Variants in MAP1LC3A observed in about 807,000 individuals in gnomAD.
MAP1LC3A encodes microtubule-associated protein 1 light chain 3 alpha.
Under a neutral mutation model 15.2 loss-of-function variants are expected in MAP1LC3A, and 10 were observed. The ratio of observed to expected loss-of-function variants is 0.66; its 90% CI spans 0.41 to 1.12. The LOEUF is 1.12. Among genes scored for constraint, MAP1LC3A ranks in the 50% most tolerant of loss-of-function variants. The pLI is 0.00. For synonymous variants in MAP1LC3A, 63 were observed against 64.3 expected, an observed-to-expected ratio of 0.98 and a Z score of 0.10; for missense variants, 138 against 167.3, an observed-to-expected ratio of 0.82 and a Z score of 0.97.
chr20:34,559,174 C>T (rs775129401), intron 1 of MAP1LC3A, 34 bp from the exon 2 acceptor site: 1 of 1,536,430 alleles, frequency 6.5e-7, no homozygotes, highest in Non-Finnish European at 8.8e-7. Flanking sequence ...TGGGCCGGCC[C>T]GACCCGGCCT....
rs757693746 is a variant in MAP1LC3A at position 34,550,059 on chromosome 20, AGG to A, written c.52+31_52+32del. 1.9e-6 allele frequency: 3 copies of A among 1,608,982 alleles called. No individual in the cohort carries two copies. The East Asian group carries it at 6.7e-5, about 36-fold the overall frequency. On this transcript the variant is annotated intron_variant, in intron 2 of 4. Coordinates refer to the MAP1LC3A transcript ENST00000374837. ...GTCTGGCCCGCCTGCCGTTGTGTGAAGGAGCTCAGGGCCTATGGTCTGTCCAC... is the reference window on the plus strand; with the variant it reads ...GTCTGGCCCGCCTGCCGTTGTGTGAAAGCTCAGGGCCTATGGTCTGTCCAC...
chr20:34,556,853 G>A (rs1982179834), upstream of MAP1LC3A, among the ~76,000 whole-genome samples: 2 of 152,108 alleles, frequency 1.3e-5, no homozygotes, highest in Admixed American at 6.5e-5. Context: ...CACCCACCTC[G>A]GCCTCCCAAA....
upstream of MAP1LC3A, among the ~76,000 whole-genome samples, chr20:34,557,397 T>C (rs575758150): frequency 6.6e-6 from 1 of 152,256 alleles, no homozygotes; most frequent in Non-Finnish European, 1.5e-5. Context: ...CACCTGACTT[T>C]ACAAAGCCAG....
chr20:34,552,869 G>A (rs1981999072), intron 2 of MAP1LC3A, among the ~76,000 whole-genome samples: 1 of 152,264 alleles, frequency 6.6e-6, no homozygotes, highest in East Asian at 1.9e-4. Flanking sequence ...GGAAGGGGGT[G>A]GTAAAGGAAA....
chr20:34,549,610 G>A (rs1478261706), intron 1 of MAP1LC3A, among the ~76,000 whole-genome samples: 3 of 152,212 alleles, frequency 2.0e-5, no homozygotes, highest in Non-Finnish European at 4.4e-5. Context: ...GAGAGTAGCA[G>A]CCCAGGGACA....
chr20:34,559,149 C>T lies in MAP1LC3A; in HGVS notation c.41-59C>T, dbSNP rs190766816. 1,416 of 1,459,812 alleles carry T rather than the reference C, an allele frequency of 9.7e-4. 10 individuals are homozygous for T. In the African/African-American group the frequency reaches 0.019, roughly 19 times the overall value. The allele number at this position is 1,459,812 out of a possible 1,614,324, so 90.4% of individuals were successfully genotyped here. On this transcript the variant is annotated intron_variant, in intron 1 of 3. Coordinates refer to ENST00000360668, the MANE Select transcript of MAP1LC3A (RefSeq NM_032514.4). Reference sequence around the variant, plus strand: ...GTGGCCGGGGGCCGCCCCTCCGGGACAGGCGGGGCGGACCTGGGCCGGCCC... The same window carrying T: ...GTGGCCGGGGGCCGCCCCTCCGGGATAGGCGGGGCGGACCTGGGCCGGCCC...
At chr20:34,554,791 C>T (rs189111585), upstream of MAP1LC3A, among the ~76,000 whole-genome samples, 146 of 152,272 alleles carry the variant, frequency 9.6e-4, 1 homozygote, top group African/African-American at 3.5e-3. Context: ...GCCTCAGCCT[C>T]CCACGTAGCT....
chr20:34,559,287 G>GCCCCCCC, intron 2 of MAP1LC3A, 24 bp downstream of exon 2: 1 of 1,564,184 alleles, frequency 6.4e-7, no homozygotes, highest in Non-Finnish European at 8.7e-7. Flanking sequence ...CCCCAGCCCT[G>GCCCCCCC]CCCCGCCCCC....
chr20:34,556,658 G>T (rs1411481417), upstream of MAP1LC3A, among the ~76,000 whole-genome samples: 1 of 151,466 alleles, frequency 6.6e-6, no homozygotes, highest in Non-Finnish European at 1.5e-5. Flanking sequence ...GGGCAGTGGC[G>T]CAATCTCAGC....
At chr20:34,553,758 T>C (rs1982035952), upstream of MAP1LC3A, among the ~76,000 whole-genome samples, 3 of 152,192 alleles carry the variant, frequency 2.0e-5, 1 homozygote, top group Admixed American at 2.0e-4. Context: ...AGAGACCACA[T>C]GGCCTGCAAA....
At position 34,558,795 on chromosome 20, in the gene MAP1LC3A, C is replaced by T. The variant is rs374170657; in HGVS notation, c.-74C>T. 2 of 1,366,484 alleles carry T rather than the reference C, an allele frequency of 1.5e-6. No homozygotes were observed. Among genetic ancestry groups the T allele is most frequent in the Non-Finnish European group, 1.9e-6 (2 of 1,068,976 alleles). 84.6% of individuals were successfully genotyped at this position (1,366,484 alleles called of 1,614,324 possible). A position where few individuals can be genotyped will look rare whatever the true frequency, so the allele number is the denominator to read the frequency against. On this transcript the variant is annotated 5_prime_UTR_variant, in exon 1 of 4. Transcript: ENST00000360668. This position sits in a 1 kb window ranked among gnomAD's most constrained non-coding sequence, Gnocchi z 4.3. ...GCCCTTGAGCGCGAGGCGCGGAGCCCCCGGAGCCCCCAAACCGCAGACACA... is the reference window on the plus strand; with the variant it reads ...GCCCTTGAGCGCGAGGCGCGGAGCCTCCGGAGCCCCCAAACCGCAGACACA...
intron 2 of MAP1LC3A, among the ~76,000 whole-genome samples, chr20:34,550,242 C>T (rs1981897967): frequency 1.3e-5 from 2 of 152,178 alleles, no homozygotes; most frequent in African/African-American, 2.4e-5. Context: ...GTCGAGGGTG[C>T]GCTTGACCGT....
At chr20:34,551,405 C>T (rs1238827043) in intron 2 of MAP1LC3A, among the ~76,000 whole-genome samples, 1 of 151,812 alleles carries the variant, frequency 6.6e-6, no homozygotes, top group African/African-American at 2.4e-5. Context: ...ATAATGATTG[C>T]CTCCATGGGG....
upstream of MAP1LC3A, chr20:34,558,642 G>T: frequency 8.1e-7 from 1 of 1,227,992 alleles, no homozygotes; most frequent in Non-Finnish European, 1.0e-6. This position sits in a 1 kb window ranked among gnomAD's most constrained non-coding sequence, Gnocchi z 4.3. Flanking sequence ...GGGTCCGGGC[G>T]GGCGGGTTGT....
chr20:34,558,948 G>A lies in MAP1LC3A; in HGVS notation c.40+40G>A. 2.2e-6 allele frequency: 3 copies of A among 1,358,698 alleles called. No individual in the cohort carries two copies. The highest frequency in any genetic ancestry group is 2.8e-6 in the Non-Finnish European group (3 of 1,061,348). 84.2% of individuals were successfully genotyped at this position (1,358,698 alleles called of 1,614,324 possible). A position where few individuals can be genotyped will look rare whatever the true frequency, so the allele number is the denominator to read the frequency against. On this transcript the variant is annotated intron_variant, in intron 1 of 3. Coordinates refer to ENST00000360668, the MANE Select transcript of MAP1LC3A (RefSeq NM_032514.4). The surrounding 1 kb of genome is among the most constrained non-coding windows in gnomAD (Gnocchi z 4.3). ...GCGAGCTGCGAGCTCTGGGGCAGGG[G>A]TGCCGGCCGACCCCGACTGCCGCAG...
Position 34,560,035 on chromosome 20 carries a change from C to A in MAP1LC3A, c.*137C>A. On this transcript the variant is annotated 3_prime_UTR_variant, in exon 4 of 4. Coordinates refer to ENST00000360668, the MANE Select transcript of MAP1LC3A (RefSeq NM_032514.4). ...ATGTGCCCCCCTAGTCAGAGGGCACCAACCCACCTACTCTGCCCCTGGGTG... is the reference window on the plus strand; with the variant it reads ...ATGTGCCCCCCTAGTCAGAGGGCACAAACCCACCTACTCTGCCCCTGGGTG... 3.8e-6 allele frequency: 3 copies of A among 796,526 alleles called. No homozygotes were observed. The highest frequency in any genetic ancestry group is 1.8e-5 in the African/African-American group (1 of 56,624). 49.3% of individuals were successfully genotyped at this position (796,526 alleles called of 1,614,324 possible).
At chr20:34,547,145 CAT>C (rs1258549018) in intron 1 of MAP1LC3A, among the ~76,000 whole-genome samples, 2 of 152,298 alleles carry the variant, frequency 1.3e-5, no homozygotes, top group Admixed American at 1.3e-4. Flanking sequence ...GGAGAGAAAA[CAT>C]ACACTTCCCT....
chr20:34,560,090 C>T lies in MAP1LC3A; in HGVS notation c.*192C>T. On this transcript the variant is annotated 3_prime_UTR_variant, in exon 4 of 4. Coordinates refer to ENST00000360668, the MANE Select transcript of MAP1LC3A (RefSeq NM_032514.4). ...CTGGGCCGGTCGTGTTAGGGTTGTC[C>T]CTCTGGGTGCTGGCTGGTGGGATGG... is the stretch of plus-strand genomic sequence containing the variant. 1.9e-6 allele frequency: 1 copy of T among 531,738 alleles called. No homozygotes were observed. Among genetic ancestry groups the T allele is most frequent in the Non-Finnish European group, 3.3e-6 (1 of 302,314 alleles). 32.9% of individuals were successfully genotyped at this position (531,738 alleles called of 1,614,324 possible).
At chr20:34,559,611 T>G in intron 3 of MAP1LC3A, 125 bp from the exon 4 acceptor site, 1 of 1,274,516 alleles carries the variant, frequency 7.8e-7, no homozygotes, top group South Asian at 1.3e-5. Flanking sequence ...GCAGTCGGTG[T>G]TGGGTCAGAG....
Sources: gnomAD v4.1 joint callset for allele counts (sites outside exome capture counted in the v4.1 genomes callset) on GRCh38, gnomAD v4.1.1 for gene constraint, Gnocchi (gnomAD v3.1) non-coding constraint, MANE v1.5 for transcripts, NCBI Gene and HGNC (gene_info 2026-07-23, HGNC 2026-07-21) for gene names.